The following SLC9A9 variants were observed in gnomAD, a reference collection of about 807,000 sequenced individuals.
The protein encoded by SLC9A9 is sodium/hydrogen exchanger 9.
Under a neutral mutation model 77.8 loss-of-function variants are expected in SLC9A9, and 62 were observed. The ratio of observed to expected loss-of-function variants is 0.80; its 90% CI spans 0.65 to 0.98. The LOEUF (loss-of-function observed/expected upper bound fraction) is 0.98. SLC9A9 is among the 50% of genes least tolerant of loss of function. The pLI, the probability that SLC9A9 is intolerant of heterozygous loss-of-function variation, is 0.00. For missense variants in SLC9A9, 775 were observed against 774.9 expected (o/e 1.00, Z 0.00); for synonymous variants, 320 against 283.5 (o/e 1.13, Z -1.29).
At chr3:143,622,545 C>T (rs1297568460) in intron 6 of SLC9A9, among the ~76,000 whole-genome samples, 1 of 152,170 alleles carries the variant, frequency 6.6e-6, no homozygotes, top group Non-Finnish European at 1.5e-5. Flanking sequence ...AAATAAAATA[C>T]TTTACAGACA....
At chr3:143,603,844 A>G (rs2037883321) in intron 6 of SLC9A9, among the ~76,000 whole-genome samples, 1 of 152,216 alleles carries the variant, frequency 6.6e-6, no homozygotes, top group African/African-American at 2.4e-5. Flanking sequence ...GTATTTTAGC[A>G]GTGGCTTTAT....
chr3:143,689,783 C>G (rs73009327), intron 5 of SLC9A9, among the ~76,000 whole-genome samples: 14,656 of 151,926 alleles, frequency 0.096, 788 homozygotes, highest in South Asian at 0.12. Context: ...AGGTGAAGAA[C>G]CATGTGCGTA....
chr3:143,711,845 C>A (rs994756375), intron 4 of SLC9A9, among the ~76,000 whole-genome samples: 1 of 152,184 alleles, frequency 6.6e-6, no homozygotes, highest in African/African-American at 2.4e-5. Context: ...TTTGCTAAGG[C>A]TTGTTATTCA....
chr3:143,467,151 T>C lies in SLC9A9; in HGVS notation c.1355A>G (p.Asn452Ser), dbSNP rs540279100. 5 of 1,614,200 alleles carry C rather than the reference T, an allele frequency of 3.1e-6. No homozygotes were observed. The Admixed American group carries it at 8.3e-5, about 27-fold the overall frequency. ...GAIAFALAIR[N>S]TESQPKQMMF... is the part of the protein sequence containing the mutation. ...CATTTGTTTGGGCTGAGATTCTGTG[T>C]TCCGAATAGCTAAGGCAAATGCGAT... Residue 452 changes from asparagine (N) to serine (S), a missense_variant, in exon 12 of 16, where the codon AAC (asparagine) becomes AGC (serine). Transcript: ENST00000316549.
intron 8 of SLC9A9, among the ~76,000 whole-genome samples, chr3:143,558,135 T>A (rs2108644046): frequency 6.6e-6 from 1 of 152,304 alleles, no homozygotes; most frequent in East Asian, 1.9e-4. Flanking sequence ...GTGTGGAGCC[T>A]GTGGGTACAT....
chr3:143,569,819 T>G (rs765615160), intron 8 of SLC9A9, among the ~76,000 whole-genome samples: 2 of 150,428 alleles, frequency 1.3e-5, no homozygotes, highest in Non-Finnish European at 3.0e-5. Context: ...TTTTTCTTTT[T>G]TTTTTTTTTT....
intron 2 of SLC9A9, among the ~76,000 whole-genome samples, chr3:143,829,891 G>A (rs1405597950): frequency 6.6e-6 from 1 of 152,116 alleles, no homozygotes; most frequent in Admixed American, 6.5e-5. Flanking sequence ...AAACAATCCT[G>A]CAGAATAGGT....
At chr3:143,658,280 T>C (rs2038926949) in intron 5 of SLC9A9, among the ~76,000 whole-genome samples, 1 of 152,220 alleles carries the variant, frequency 6.6e-6, no homozygotes, top group African/African-American at 2.4e-5. Context: ...CCCTAAGGCA[T>C]TTGTTATATG....
At chr3:143,332,292 AG>A in intron 14 of SLC9A9, among the ~76,000 whole-genome samples, 1 of 142,888 alleles carries the variant, frequency 7.0e-6, no homozygotes, top group South Asian at 2.2e-4. Flanking sequence ...TTCTCTATGT[AG>A]GGTTCTAAAA....
At chr3:143,711,599 A>T (rs1193023478) in intron 4 of SLC9A9, among the ~76,000 whole-genome samples, 5 of 121,812 alleles carry the variant, frequency 4.1e-5, no homozygotes, top group Non-Finnish European at 8.6e-5. Flanking sequence ...TTTTTTTTTT[A>T]AAGAAGAGGA....
At chr3:143,319,835 A>G (rs775743402) in intron 14 of SLC9A9, among the ~76,000 whole-genome samples, 1 of 152,234 alleles carries the variant, frequency 6.6e-6, no homozygotes, top group Non-Finnish European at 1.5e-5. Context: ...AAATGGTAGC[A>G]GAGAAAGTCA....
At chr3:143,438,742 A>G (rs891556657) in intron 12 of SLC9A9, among the ~76,000 whole-genome samples, 9 of 152,066 alleles carry the variant, frequency 5.9e-5, no homozygotes, top group South Asian at 2.1e-4. Flanking sequence ...AAGTTTGGGG[A>G]TTGCTCAAGC....
chr3:143,690,374 A>T (rs1236038025), intron 5 of SLC9A9, among the ~76,000 whole-genome samples: 2 of 152,098 alleles, frequency 1.3e-5, no homozygotes, highest in Non-Finnish European at 2.9e-5. Flanking sequence ...GTCTAAAAAC[A>T]ATTGACAATC....
At chr3:143,485,436 A>G (rs2035639565) in intron 11 of SLC9A9, among the ~76,000 whole-genome samples, 1 of 152,160 alleles carries the variant, frequency 6.6e-6, no homozygotes, top group South Asian at 2.1e-4. Context: ...TTAGGTCATT[A>G]AAAAATAACT....
At chr3:143,321,950 C>A (rs989932443) in intron 14 of SLC9A9, among the ~76,000 whole-genome samples, 9 of 152,116 alleles carry the variant, frequency 5.9e-5, no homozygotes, top group Non-Finnish European at 1.0e-4. Context: ...AGTTAGGAAC[C>A]CTTGTTCTAC....
intron 9 of SLC9A9, among the ~76,000 whole-genome samples, chr3:143,509,090 G>A (rs910230327): frequency 1.3e-5 from 2 of 152,178 alleles, no homozygotes; most frequent in African/African-American, 4.8e-5. Flanking sequence ...AGTGGACTAT[G>A]GAAAGGCATG....
chr3:143,387,241 A>G (rs1311042428), intron 12 of SLC9A9, among the ~76,000 whole-genome samples: 1 of 152,156 alleles, frequency 6.6e-6, no homozygotes, highest in African/African-American at 2.4e-5. Flanking sequence ...AACAAGGAAG[A>G]GGGAAGAGCT....
chr3:143,609,411 A>C lies in SLC9A9; in HGVS notation c.756-30688T>G, dbSNP rs572064246. ...GATAGCCTAGAATCAATACTTTTTC[A>C]ATTACATTTAAAAATTGTTTACACA... On this transcript the variant is annotated intron_variant, in intron 6 of 15. Coordinates refer to ENST00000316549, the MANE Select transcript of SLC9A9 (RefSeq NM_173653.4). Among the ~76,000 whole-genome samples the C allele has an allele frequency of 2.6e-5, 4 of 152,326 alleles. No homozygotes were observed. The East Asian group carries it at 7.7e-4, about 29-fold the overall frequency.
intron 4 of SLC9A9, among the ~76,000 whole-genome samples, chr3:143,741,484 C>G (rs73154708): frequency 0.054 from 8,223 of 152,256 alleles, 279 homozygotes; most frequent in Middle Eastern, 0.075. Context: ...AGACAAATCT[C>G]TTTATGCAGA....
Sources: gnomAD v4.1 joint callset for allele counts (sites outside exome capture counted in the v4.1 genomes callset) on GRCh38, gnomAD v4.1.1 for gene constraint, MANE v1.5 for transcripts, NCBI Gene and HGNC (gene_info 2026-07-23, HGNC 2026-07-21) for gene names.